Variants in BICDL1 observed in about 807,000 individuals in gnomAD.
BICDL1 encodes BICD family like cargo adaptor 1, also known as BICD family-like cargo adapter 1.
A neutral mutation model predicts 76.8 loss-of-function variants in BICDL1; 20 were observed. The observed-to-expected ratio is 0.26, with a 90% CI of 0.18 to 0.38. The LOEUF (loss-of-function observed/expected upper bound fraction) is 0.38, where lower values mean the gene tolerates loss of function less well. Among genes scored for constraint, BICDL1 ranks in the 10% least tolerant of loss-of-function variants. The pLI, the probability that BICDL1 is intolerant of heterozygous loss-of-function variation, is 1.00. For missense variants in BICDL1, 700 were observed against 798.6 expected, an observed-to-expected ratio of 0.88 and a Z score of 1.49; for synonymous variants, 383 against 337.1, an observed-to-expected ratio of 1.14 and a Z score of -1.49.
intron 2 of BICDL1, among the ~76,000 whole-genome samples, chr12:120,006,172 G>A (rs976443235): frequency 5.9e-5 from 9 of 152,290 alleles, no homozygotes; most frequent in African/African-American, 1.2e-4. Flanking sequence ...GAGGATCCCC[G>A]TCATCATGGA....
At chr12:120,033,683 G>A (rs190481674) in intron 2 of BICDL1, among the ~76,000 whole-genome samples, 111 of 152,028 alleles carry the variant, frequency 7.3e-4, no homozygotes, top group African/African-American at 2.0e-3. Flanking sequence ...CACTGCGGCC[G>A]GCTGAGAGTT....
intron 8 of BICDL1, among the ~76,000 whole-genome samples, chr12:120,083,944 T>A (rs1874196330): frequency 6.6e-6 from 1 of 151,818 alleles, no homozygotes; most frequent in Non-Finnish European, 1.5e-5. Context: ...TGAGCCACTG[T>A]GCCCAGCCAA....
chr12:120,044,455 A>G lies in BICDL1; in HGVS notation c.646-17255A>G, dbSNP rs540156378. Reference sequence around the variant, plus strand: ...TGAAGGGCTCCTTAGGGTACACCCCAGCCCATTTCCATCCCTGTTCTAAGT... The same window carrying G: ...TGAAGGGCTCCTTAGGGTACACCCCGGCCCATTTCCATCCCTGTTCTAAGT... On this transcript the variant is annotated intron_variant, in intron 2 of 9. Coordinates refer to ENST00000548673, the MANE Select transcript of BICDL1 (RefSeq NM_001367886.1). Among the ~76,000 whole-genome samples the G allele has an allele frequency of 8.5e-5, 13 of 152,316 alleles. No homozygotes were observed. In the East Asian group the frequency reaches 2.5e-3, roughly 29 times the overall value.
intron 2 of BICDL1, among the ~76,000 whole-genome samples, chr12:120,046,848 C>T (rs1952760001): frequency 6.6e-6 from 1 of 152,108 alleles, no homozygotes; most frequent in African/African-American, 2.4e-5. Flanking sequence ...ATTATGAGTC[C>T]TCATAGAACA....
At position 120,003,317 on chromosome 12, in the gene BICDL1, C is replaced by CT. The variant is rs1951794741; in HGVS notation, c.645+4582dup. Among the ~76,000 whole-genome samples the CT allele has an allele frequency of 2.0e-5, 3 of 152,126 alleles. No individual in the cohort carries two copies. The South Asian group carries it at 6.2e-4, about 32-fold the overall frequency. Reference sequence around the variant, plus strand: ...TGTAAACTCTATGAGAGCAGGGACTCTATCTGTCTTGTTTATTGTTGTAAA... The same window carrying CT: ...TGTAAACTCTATGAGAGCAGGGACTCTTATCTGTCTTGTTTATTGTTGTAAA... On this transcript the variant is annotated intron_variant, in intron 2 of 9. Transcript: ENST00000548673.
At chr12:120,077,583 T>G (rs1234502115) in intron 7 of BICDL1, among the ~76,000 whole-genome samples, 1 of 152,166 alleles carries the variant, frequency 6.6e-6, no homozygotes, top group African/African-American at 2.4e-5. Flanking sequence ...TTGACTCGAG[T>G]GCACACTTGT....
At chr12:120,091,970 C>CA in intron 9 of BICDL1, 1 of 985,384 alleles carries the variant, frequency 1.0e-6, no homozygotes, top group Non-Finnish European at 1.2e-6. Context: ...CTGACTCACT[C>CA]AGGGGTTTAG....
intron 2 of BICDL1, among the ~76,000 whole-genome samples, chr12:120,034,541 T>C (rs533879234): frequency 6.6e-6 from 1 of 152,210 alleles, no homozygotes; most frequent in Non-Finnish European, 1.5e-5. Flanking sequence ...AATTCCCTTA[T>C]TGGGATTTGG....
intron 2 of BICDL1, among the ~76,000 whole-genome samples, chr12:120,010,607 T>G (rs1267140988): frequency 6.6e-5 from 10 of 152,246 alleles, no homozygotes; most frequent in Admixed American, 6.5e-4. Flanking sequence ...AGGGAATAGC[T>G]GCAAGGAAGA....
intron 2 of BICDL1, among the ~76,000 whole-genome samples, chr12:120,021,364 ATCACCTGAGG>A (rs956779428): frequency 5.3e-5 from 8 of 151,946 alleles, no homozygotes; most frequent in Non-Finnish European, 1.0e-4. Context: ...AGGTGGGCGG[ATCACCTGAGG>A]TCAGGAGTTG....
intron 2 of BICDL1, among the ~76,000 whole-genome samples, chr12:120,052,563 T>C (rs1952885480): frequency 6.6e-6 from 1 of 152,134 alleles, no homozygotes; most frequent in South Asian, 2.1e-4. Context: ...GGACATGTGA[T>C]GTTGACTGCT....
intron 2 of BICDL1, among the ~76,000 whole-genome samples, chr12:120,016,362 C>A (rs578252052): frequency 1.0e-4 from 15 of 148,504 alleles, no homozygotes; most frequent in African/African-American, 3.5e-4. Context: ...ATGTACAAGT[C>A]TTTGGACTTA....
intron 2 of BICDL1, among the ~76,000 whole-genome samples, chr12:120,030,990 G>A (rs1409247665): frequency 6.6e-6 from 1 of 152,070 alleles, no homozygotes; most frequent in Non-Finnish European, 1.5e-5. Context: ...AGAACCTACT[G>A]TGTTTAACCT....
chr12:120,032,508 A>T (rs1952442918), intron 2 of BICDL1, among the ~76,000 whole-genome samples: 1 of 152,184 alleles, frequency 6.6e-6, no homozygotes, highest in South Asian at 2.1e-4. Flanking sequence ...CACAGTGATT[A>T]CTTTCACTTT....
intron 2 of BICDL1, among the ~76,000 whole-genome samples, chr12:120,019,818 TA>T: frequency 6.6e-6 from 1 of 152,318 alleles, no homozygotes; most frequent in South Asian, 2.1e-4. Context: ...AGTCATGCAA[TA>T]TCATACAACC....
chr12:120,016,434 C>CTTTTTT (rs1174613877), intron 2 of BICDL1, among the ~76,000 whole-genome samples: 7 of 95,884 alleles, frequency 7.3e-5, no homozygotes, highest in Admixed American at 2.3e-4. Context: ...TGTCTGTAAC[C>CTTTTTT]TTTTTTTTTT....
At position 120,085,739 on chromosome 12, in the gene BICDL1, G is replaced by T. The variant is rs941107867; in HGVS notation, c.1584-4212G>T. Among the ~76,000 whole-genome samples, 14 of 147,688 alleles carry T rather than the reference G, an allele frequency of 9.5e-5. No individual in the cohort carries two copies. The East Asian group carries it at 2.4e-3, about 25-fold the overall frequency. On this transcript the variant is annotated intron_variant, in intron 8 of 9. Transcript: ENST00000548673. ...CACTTGAGCCCAGAAGGTTGAGGCT[G>T]CAGTGAGCTGTGATCATGCCACTGC...
At chr12:120,064,007 T>C (rs1345440866) in intron 3 of BICDL1, among the ~76,000 whole-genome samples, 1 of 152,228 alleles carries the variant, frequency 6.6e-6, no homozygotes, top group Non-Finnish European at 1.5e-5. Context: ...GGAGACTGAC[T>C]AGGTATTCAG....
chr12:120,056,583 G>A (rs1419676870), intron 2 of BICDL1, among the ~76,000 whole-genome samples: 2 of 152,162 alleles, frequency 1.3e-5, no homozygotes, highest in Non-Finnish European at 2.9e-5. Context: ...GCTGGGCGTG[G>A]TAGTGCGCCT....
Sources: allele counts gnomAD v4.1 joint callset (sites outside exome capture counted in the v4.1 genomes callset), GRCh38; gene constraint gnomAD v4.1.1; transcripts MANE v1.5; gene names NCBI Gene and HGNC (gene_info 2026-07-23, HGNC 2026-07-21).